KIF13B: variants seen among roughly 807,000 people sequenced by gnomAD.
KIF13B encodes kinesin family member 13B.
Under a neutral mutation model 222.0 loss-of-function variants are expected in KIF13B, and 127 were observed. That is an observed-to-expected ratio of 0.57 (90% confidence interval 0.50 to 0.66). The LOEUF (loss-of-function observed/expected upper bound fraction) is 0.66. KIF13B is among the 30% of genes least tolerant of loss of function. The probability of loss-of-function intolerance (pLI) is 0.00; values close to 1 mark genes in which losing one functional copy is unlikely to be tolerated. For synonymous variants in KIF13B, 976 were observed against 919.0 expected (o/e 1.06, Z -1.12); for missense variants, 2,173 against 2,379.0 (o/e 0.91, Z 1.80).
chr8:29,183,165 TTTG>T (rs1289431639), intron 6 of KIF13B, among the ~76,000 whole-genome samples: 4 of 125,938 alleles, frequency 3.2e-5, no homozygotes, highest in Middle Eastern at 3.8e-3. Context: ...ATCCTTAAAG[TTTG>T]TTTTTTTTTT....
At chr8:29,206,729 C>T (rs1377432398) in intron 2 of KIF13B, among the ~76,000 whole-genome samples, 1 of 152,068 alleles carries the variant, frequency 6.6e-6, no homozygotes, top group East Asian at 1.9e-4. Flanking sequence ...AAAAACCTTG[C>T]CCTGCAAGAG....
intron 29 of KIF13B, 93 bp from the exon 30 acceptor site, chr8:29,119,085 C>A: frequency 7.6e-7 from 1 of 1,312,320 alleles, no homozygotes; most frequent in South Asian, 1.4e-5. Context: ...AATTCTTCTG[C>A]TTCAAATTTC....
chr8:29,175,807 A>G (rs553879498), intron 10 of KIF13B, among the ~76,000 whole-genome samples: 1 of 152,250 alleles, frequency 6.6e-6, no homozygotes, highest in South Asian at 2.1e-4. Context: ...TACTCCCCTA[A>G]ATCTCCAGAA....
intron 2 of KIF13B, among the ~76,000 whole-genome samples, chr8:29,201,917 G>C (rs1051989374): frequency 6.6e-6 from 1 of 152,126 alleles, no homozygotes; most frequent in African/African-American, 2.4e-5. Context: ...TTGAAATTTA[G>C]AAAGTGACTA....
intron 2 of KIF13B, among the ~76,000 whole-genome samples, chr8:29,236,186 C>A (rs769439360): frequency 3.3e-5 from 5 of 152,146 alleles, no homozygotes; most frequent in African/African-American, 4.8e-5. Context: ...CACCACCTCA[C>A]TATATTTTTT....
chr8:29,165,050 G>C (rs1038732289), intron 12 of KIF13B, among the ~76,000 whole-genome samples: 1 of 152,154 alleles, frequency 6.6e-6, no homozygotes, highest in Admixed American at 6.5e-5. Flanking sequence ...GTTTTGACAT[G>C]TTAGCCAGGC....
intron 5 of KIF13B, among the ~76,000 whole-genome samples, chr8:29,187,778 C>T (rs1461508576): frequency 6.6e-6 from 1 of 152,134 alleles, no homozygotes; most frequent in Non-Finnish European, 1.5e-5. Context: ...AGCTAATGTG[C>T]CACATTTCCT....
At chr8:29,076,502 T>C (rs1230164522) in intron 37 of KIF13B, among the ~76,000 whole-genome samples, 1 of 152,218 alleles carries the variant, frequency 6.6e-6, no homozygotes, top group Non-Finnish European at 1.5e-5. Context: ...TCAGGCCTTC[T>C]AGACAGAGCC....
At chr8:29,162,349 T>C (rs1811818902) in intron 12 of KIF13B, among the ~76,000 whole-genome samples, 1 of 152,236 alleles carries the variant, frequency 6.6e-6, no homozygotes, top group South Asian at 2.1e-4. Context: ...ATATCCTGCC[T>C]AGAAGTATAC....
At chr8:29,234,642 T>C (rs1815426873) in intron 2 of KIF13B, among the ~76,000 whole-genome samples, 1 of 140,036 alleles carries the variant, frequency 7.1e-6, no homozygotes, top group Admixed American at 7.4e-5. Context: ...CACATAAAAA[T>C]GGTTAAATGA....
intron 35 of KIF13B, among the ~76,000 whole-genome samples, chr8:29,102,113 A>G (rs113539974): frequency 0.027 from 4,084 of 152,184 alleles, 62 homozygotes; most frequent in Non-Finnish European, 0.04. Context: ...AAAAAAGAAA[A>G]ATGAAGCAAC....
At chr8:29,149,898 A>G (rs1311204824) in intron 15 of KIF13B, among the ~76,000 whole-genome samples, 1 of 152,240 alleles carries the variant, frequency 6.6e-6, no homozygotes, top group Admixed American at 6.5e-5. Context: ...AGCTGAAAAG[A>G]ATTCCTAAAA....
chr8:29,218,947 T>C (rs927231762), intron 2 of KIF13B: 2 of 152,256 alleles, frequency 1.3e-5, no homozygotes, highest in Non-Finnish European at 2.9e-5. Context: ...GCAACCTCTG[T>C]GCAAACACAA....
intron 2 of KIF13B, among the ~76,000 whole-genome samples, chr8:29,227,852 G>A (rs1815093633): frequency 6.6e-6 from 1 of 152,104 alleles, no homozygotes; most frequent in African/African-American, 2.4e-5. Context: ...TCAGGAGGCT[G>A]AGGTGGGAGG....
Position 29,177,396 on chromosome 8 carries a change from T to C in KIF13B, c.833+70A>G, listed in dbSNP as rs1310841764. 6 of 1,074,068 alleles carry C rather than the reference T, an allele frequency of 5.6e-6. No homozygotes were observed. In the African/African-American group the frequency reaches 9.4e-5, roughly 17 times the overall value. The allele number at this position is 1,074,068 out of a possible 1,614,324, so 66.5% of individuals were successfully genotyped here. On this transcript the variant is annotated intron_variant, in intron 9 of 39. Transcript: ENST00000524189. The stretch of plus-strand genomic sequence containing the variant: ...ATTTCAAATCACCTTAATATTTTAA[T>C]AACCACAGATGTTCCCCTATTGGCT...
chr8:29,169,558 T>C (rs1201487082), intron 10 of KIF13B, among the ~76,000 whole-genome samples: 1 of 152,270 alleles, frequency 6.6e-6, no homozygotes, highest in Non-Finnish European at 1.5e-5. Flanking sequence ...CTTATTCATA[T>C]ACCAGTGAAA....
chr8:29,101,841 G>A (rs1209623760), intron 35 of KIF13B, among the ~76,000 whole-genome samples: 1 of 152,102 alleles, frequency 6.6e-6, no homozygotes, highest in African/African-American at 2.4e-5. Context: ...GCTAAACTGG[G>A]TACCACGCGC....
intron 37 of KIF13B, among the ~76,000 whole-genome samples, chr8:29,088,758 T>TTC (rs1207360474): frequency 6.6e-6 from 1 of 152,206 alleles, no homozygotes; most frequent in African/African-American, 2.4e-5. Context: ...GAAACACACT[T>TTC]CAGAGTACAA....
intron 34 of KIF13B, 101 bp from the exon 35 acceptor site, chr8:29,108,293 G>C: frequency 9.2e-7 from 1 of 1,087,192 alleles, no homozygotes; most frequent in Non-Finnish European, 1.4e-6. Context: ...GAACGTCAAA[G>C]TTGGGTGGCA....
Sources: gnomAD v4.1 joint callset for allele counts (sites outside exome capture counted in the v4.1 genomes callset) on GRCh38, gnomAD v4.1.1 for gene constraint, MANE v1.5 for transcripts, NCBI Gene and HGNC (gene_info 2026-07-23, HGNC 2026-07-21) for gene names.